Variants in AKAP9 observed in about 807,000 individuals in gnomAD.
AKAP9 encodes A-kinase anchor protein 9.
In AKAP9, 311 loss-of-function variants were observed where a neutral mutation model predicts 488.5. The observed-to-expected ratio is 0.64, with a 90% confidence interval of 0.58 to 0.70. The LOEUF is 0.70. Among genes scored for constraint, AKAP9 ranks in the 30% least tolerant of loss-of-function variants. The probability of loss-of-function intolerance (pLI) is 0.00; values close to 1 mark genes in which losing one functional copy is unlikely to be tolerated. For missense variants in AKAP9, 4,215 were observed against 4,374.5 expected (o/e 0.96, Z 1.03); for synonymous variants, 1,462 against 1,483.5 (o/e 0.99, Z 0.33).
chr7:91,945,046 T>C (rs1185142578), intron 1 of AKAP9, among the ~76,000 whole-genome samples: 1 of 152,054 alleles, frequency 6.6e-6, no homozygotes, highest in East Asian at 1.9e-4. Flanking sequence ...CAGAATACTA[T>C]GTAAAAAGAA....
chr7:91,968,460 CTGATTT>C (rs769284287), intron 1 of AKAP9, among the ~76,000 whole-genome samples: 28 of 151,904 alleles, frequency 1.8e-4, no homozygotes, highest in Non-Finnish European at 2.5e-4. Flanking sequence ...TTTTTCATTT[CTGATTT>C]TATTTGACCT....
chr7:92,084,017 C>A (rs182722990), intron 33 of AKAP9, among the ~76,000 whole-genome samples: 194 of 152,266 alleles, frequency 1.3e-3, no homozygotes, highest in African/African-American at 4.3e-3. Flanking sequence ...TGATGTTCCC[C>A]TCCCTGTGTC....
chr7:92,014,976 AG>A (rs1198826303), intron 10 of AKAP9, among the ~76,000 whole-genome samples: 6 of 152,178 alleles, frequency 3.9e-5, no homozygotes, highest in African/African-American at 1.4e-4. Flanking sequence ...TCTGGGTCCC[AG>A]TTTCTTTGTC....
At chr7:92,060,472 C>G (rs984010716) in intron 22 of AKAP9, among the ~76,000 whole-genome samples, 1 of 152,078 alleles carries the variant, frequency 6.6e-6, no homozygotes, top group African/African-American at 2.4e-5. Flanking sequence ...GCTCAGAAAA[C>G]TAAGGCAGAG....
chr7:92,022,806 T>A lies in AKAP9; in HGVS notation c.3953-8T>A. 6.5e-7 allele frequency: 1 copy of A among 1,549,748 alleles called. No homozygotes were observed. Among genetic ancestry groups the A allele is most frequent in the Non-Finnish European group, 8.9e-7 (1 of 1,125,120 alleles). ...AATGTGCATTTTTTGTCTCTTTATA[T>A]AACATAGATGTCAATCATAAAAGCA... On this transcript the variant is annotated splice_polypyrimidine_tract_variant and splice_region_variant and intron_variant, in intron 13 of 49. Coordinates refer to ENST00000356239, the MANE Select transcript of AKAP9 (RefSeq NM_005751.5).
chr7:92,051,809 T>C (rs986732833), intron 21 of AKAP9, among the ~76,000 whole-genome samples: 1 of 152,194 alleles, frequency 6.6e-6, no homozygotes, highest in Non-Finnish European at 1.5e-5. Flanking sequence ...TGATAACAAA[T>C]ATGTACTACA....
intron 2 of AKAP9, among the ~76,000 whole-genome samples, chr7:91,976,202 C>T (rs756383358): frequency 1.3e-5 from 2 of 152,108 alleles, no homozygotes; most frequent in Non-Finnish European, 2.9e-5. Context: ...GGACTACGGG[C>T]ATTAGCCACT....
chr7:91,992,230 C>T lies in AKAP9; in HGVS notation c.405+19C>T, dbSNP rs1187490453. 4 of 1,549,552 alleles carry T rather than the reference C, an allele frequency of 2.6e-6. No homozygotes were observed. The highest frequency in any genetic ancestry group is 2.7e-5 in the African/African-American group (2 of 73,564). Reference sequence around the variant, plus strand: ...ATTAAGGGTACAGTATTTAAAACTACTTGTGATACTAATGTTGGATACTAT... The same window carrying T: ...ATTAAGGGTACAGTATTTAAAACTATTTGTGATACTAATGTTGGATACTAT... On this transcript the variant is annotated intron_variant, in intron 4 of 49. Transcript: ENST00000356239.
In AKAP9 at chr7:92,001,206, T is replaced by A. The variant is rs778556625; in HGVS notation, c.1289T>A (p.Leu430Ter). ...ATGGAACAAGAAACACAAAGAAAGT[T>A]AGAACAACTCCGGGCAGAGCTGGAT... ...QRMEQETQRK[L>*]EQLRAELDEM... The change falls in exon 8 of 50, where the codon TTA becomes TAA. Residue 430 changes from leucine to a stop codon, truncating the protein, a stop_gained. Coordinates refer to ENST00000356239, the MANE Select transcript of AKAP9 (RefSeq NM_005751.5). LOFTEE classifies it high-confidence loss of function. The A allele has an allele frequency of 9.9e-6, 16 of 1,613,838 alleles. No homozygotes were observed. The highest frequency in any genetic ancestry group is 1.2e-5 in the Non-Finnish European group (14 of 1,179,918).
intron 16 of AKAP9, among the ~76,000 whole-genome samples, chr7:92,032,845 A>C (rs1000268950): frequency 6.6e-6 from 1 of 152,140 alleles, no homozygotes; most frequent in African/African-American, 2.4e-5. Flanking sequence ...AAATTTATCA[A>C]ATGGAATGGT....
chr7:92,090,106 T>A (rs1815286553), intron 38 of AKAP9: 1 of 152,334 alleles, frequency 6.6e-6, no homozygotes, highest in South Asian at 2.1e-4. Context: ...TATTTATATA[T>A]TCCTAAAACA....
At chr7:92,028,521 G>C (rs1803698434) in intron 14 of AKAP9, among the ~76,000 whole-genome samples, 1 of 152,026 alleles carries the variant, frequency 6.6e-6, no homozygotes, top group Admixed American at 6.6e-5. Flanking sequence ...GGGCAGAGAA[G>C]AAAGACAAGG....
chr7:92,003,596 A>G (rs1799436160), intron 8 of AKAP9, among the ~76,000 whole-genome samples: 2 of 152,098 alleles, frequency 1.3e-5, no homozygotes, highest in African/African-American at 4.8e-5. Flanking sequence ...GATTGGTTTC[A>G]GCGTTTTTAT....
chr7:92,022,913 A>G lies in AKAP9; in HGVS notation c.4052A>G (p.Gln1351Arg), dbSNP rs777523855. Residue 1351 changes from glutamine (Q) to arginine (R), a missense_variant, in exon 14 of 50, where the codon CAG becomes CGG. Transcript: ENST00000356239. Reference sequence around the variant, plus strand: ...TTAGAAAGCCTCATATCCTCTTTGCAGCAACAGTTGAAAGAAACTGAACAA... The same window carrying G: ...TTAGAAAGCCTCATATCCTCTTTGCGGCAACAGTTGAAAGAAACTGAACAA... ...QELESLISSL[Q>R]QQLKETEQNY... 16 of 1,613,930 alleles carry G rather than the reference A, an allele frequency of 9.9e-6. No homozygotes were observed. The highest frequency in any genetic ancestry group is 1.4e-5 in the Non-Finnish European group (16 of 1,179,800).
chr7:92,052,659 G>T, intron 21 of AKAP9, 67 bp from the exon 22 acceptor site: 1 of 1,157,678 alleles, frequency 8.6e-7, no homozygotes, highest in South Asian at 1.5e-5. Flanking sequence ...GTTTGATGTT[G>T]TTTTATAACT....
intron 8 of AKAP9, among the ~76,000 whole-genome samples, chr7:92,007,775 G>A (rs1234392678): frequency 1.3e-5 from 2 of 152,148 alleles, no homozygotes; most frequent in Non-Finnish European, 2.9e-5. Flanking sequence ...GAAAAACGCA[G>A]AATAGTAATT....
intron 3 of AKAP9, among the ~76,000 whole-genome samples, chr7:91,988,617 T>C (rs1405951064): frequency 3.3e-5 from 5 of 152,226 alleles, no homozygotes; most frequent in African/African-American, 1.2e-4. Context: ...GTTTTAATCA[T>C]AGATCACATA....
intron 3 of AKAP9, among the ~76,000 whole-genome samples, chr7:91,987,769 A>G (rs980828687): frequency 2.6e-5 from 4 of 152,314 alleles, no homozygotes; most frequent in African/African-American, 9.6e-5. Context: ...TTCAGGAGGC[A>G]GAAAAATCAT....
intron 37 of AKAP9, among the ~76,000 whole-genome samples, chr7:92,088,128 A>G (rs1040122545): frequency 1.3e-5 from 2 of 152,210 alleles, no homozygotes; most frequent in African/African-American, 4.8e-5. Flanking sequence ...ATTACCAGGG[A>G]AAAGCAGTAA....
Sources: allele counts gnomAD v4.1 joint callset (sites outside exome capture counted in the v4.1 genomes callset), GRCh38; gene constraint gnomAD v4.1.1; transcripts MANE v1.5; gene names NCBI Gene and HGNC (gene_info 2026-07-23, HGNC 2026-07-21).